PRDX6: variants seen among roughly 807,000 people sequenced by gnomAD.
PRDX6 encodes the protein peroxiredoxin 6, also known as peroxiredoxin-6.
In PRDX6, 13 loss-of-function variants were observed where a neutral mutation model predicts 20.0. That is an observed-to-expected ratio of 0.65 (90% CI 0.42 to 1.03). The LOEUF is 1.03. Ranked by LOEUF, PRDX6 falls within the 50% of genes least tolerant of loss-of-function variation. The probability of loss-of-function intolerance (pLI) is 0.00; values close to 1 mark genes in which losing one functional copy is unlikely to be tolerated. For synonymous variants in PRDX6, 85 were observed against 100.8 expected (o/e 0.84, Z 0.94); for missense variants, 203 against 276.9 (o/e 0.73, Z 1.89).
Position 173,477,421 on chromosome 1 carries a change from G to T in PRDX6, c.24G>T (p.Gly8=). The T allele has an allele frequency of 1.2e-6, 2 of 1,608,658 alleles. No homozygotes were observed. The highest frequency in any genetic ancestry group is 1.7e-6 in the Non-Finnish European group (2 of 1,177,892). The change falls in exon 1 of 5, where the codon GGG becomes GGT. Residue 8 remains glycine (G), a synonymous_variant. Transcript: ENST00000340385. MPGGLLL[G]DVAPNFEANT... is the part of the protein sequence containing the mutation. ...CCATGCCCGGAGGTCTGCTTCTCGG[G>T]GACGTGGCTCCCAACTTTGAGGCCA...
intron 4 of PRDX6, among the ~76,000 whole-genome samples, chr1:173,487,494 G>A (rs1571398757): frequency 6.6e-6 from 1 of 152,328 alleles, no homozygotes; most frequent in African/African-American, 2.4e-5. Flanking sequence ...TAAATGTAAA[G>A]TGTGGTGGCC....
At chr1:173,487,563 T>C (rs763234268) in intron 4 of PRDX6, among the ~76,000 whole-genome samples, 172 bp from the exon 5 acceptor site, 9 of 152,192 alleles carry the variant, frequency 5.9e-5, no homozygotes, top group Non-Finnish European at 1.0e-4. Flanking sequence ...ACTGCTTTCC[T>C]GCCAAAAGTG....
rs189429240 is a variant in PRDX6, at chr1:173,488,432, G to A, written c.*569G>A. ...ATTCTTTTAATACATCTTGATCACAGCTGGGGGAAAAAAAGCTTTTTAATT... is the reference window on the plus strand; with the variant it reads ...ATTCTTTTAATACATCTTGATCACAACTGGGGGAAAAAAAGCTTTTTAATT... On this transcript the variant is annotated 3_prime_UTR_variant, in exon 5 of 5. Coordinates refer to ENST00000340385, the MANE Select transcript of PRDX6 (RefSeq NM_004905.3). 4.0e-3 allele frequency: 603 copies of A among 152,194 alleles called. 3 individuals are homozygous for A. Among genetic ancestry groups the A allele is most frequent in the Middle Eastern group, 0.014 (4 of 294 alleles). The allele number at this position is 152,194 out of a possible 1,614,324, so 9.4% of individuals were successfully genotyped here.
intron 2 of PRDX6, 24 bp from the exon 3 acceptor site, chr1:173,485,337 T>G: frequency 6.4e-7 from 1 of 1,552,576 alleles, no homozygotes; most frequent in Non-Finnish European, 8.8e-7. Context: ...TAGATTCCTC[T>G]TTCCCCTTTT....
chr1:173,485,369 T>C lies in PRDX6; in HGVS notation c.261T>C (p.Asn87=). The change falls in exon 3 of 5, where the codon AAT becomes AAC. Residue 87 remains asparagine (N), a synonymous_variant. Coordinates refer to ENST00000340385, the MANE Select transcript of PRDX6 (RefSeq NM_004905.3). ...TTTTACTTGTGTTTCAGGATATCAATGCTTACAATTGTGAAGAGCCCACAG... is the reference window on the plus strand; with the variant it reads ...TTTTACTTGTGTTTCAGGATATCAACGCTTACAATTGTGAAGAGCCCACAG... ...EDHLAWSKDI[N]AYNCEEPTEK... 1 of 1,588,940 alleles carries C rather than the reference T, an allele frequency of 6.3e-7. No homozygotes were observed. The highest frequency in any genetic ancestry group is 8.6e-7 in the Non-Finnish European group (1 of 1,166,212).
At chr1:173,484,140 AGAT>A (rs1658854442) in intron 2 of PRDX6, among the ~76,000 whole-genome samples, 1 of 92,510 alleles carries the variant, frequency 1.1e-5, no homozygotes, top group African/African-American at 5.1e-5. Context: ...AAAAAAAATT[AGAT>A]ATATATATTT....
chr1:173,477,465 T>C lies in PRDX6; in HGVS notation c.68T>C (p.Ile23Thr). ...NFEANTTVGRIRFHDFLGDSW... is the reference protein window; with the variant it reads ...NFEANTTVGRTRFHDFLGDSW... ...GAGGCCAATACCACCGTCGGCCGCA[T>C]CCGTTTCCACGACTTTCTGGGAGAC... The change falls in exon 1 of 5, where the codon ATC becomes ACC. Residue 23 changes from isoleucine to threonine, a missense_variant. Coordinates refer to ENST00000340385, the MANE Select transcript of PRDX6 (RefSeq NM_004905.3). 1 of 1,607,028 alleles carries C rather than the reference T, an allele frequency of 6.2e-7. No individual in the cohort carries two copies.
chr1:173,481,276 G>A, intron 1 of PRDX6, 50 bp from the exon 2 acceptor site: 1 of 1,527,950 alleles, frequency 6.5e-7, no homozygotes, highest in Non-Finnish European at 9.0e-7. Flanking sequence ...TCTCTGTGAT[G>A]TTGGTGATAA....
chr1:173,482,411 A>G (rs1557996834), intron 2 of PRDX6, among the ~76,000 whole-genome samples: 1 of 152,228 alleles, frequency 6.6e-6, no homozygotes, highest in Admixed American at 6.5e-5. Flanking sequence ...CAGCAGGAAC[A>G]GAGACTCCTG....
At chr1:173,477,911 T>C (rs1031690386) in intron 1 of PRDX6, among the ~76,000 whole-genome samples, 3 of 152,166 alleles carry the variant, frequency 2.0e-5, no homozygotes, top group African/African-American at 7.2e-5. Flanking sequence ...CGGGGCGGCA[T>C]TGACGATCAC....
chr1:173,477,773 G>C (rs575556955), intron 1 of PRDX6, among the ~76,000 whole-genome samples: 7 of 152,344 alleles, frequency 4.6e-5, no homozygotes, highest in Admixed American at 2.0e-4. Context: ...CGCCAAGGTG[G>C]GGGGTGGGGA....
intron 2 of PRDX6, among the ~76,000 whole-genome samples, chr1:173,484,345 G>C (rs946234530): frequency 1.3e-5 from 2 of 151,544 alleles, no homozygotes; most frequent in Middle Eastern, 3.4e-3. Context: ...TAGAAGTCCT[G>C]TTCTTTTCTT....
At chr1:173,481,100 C>G (rs1658793112) in intron 1 of PRDX6, 1 of 501,310 alleles carries the variant, frequency 2.0e-6, no homozygotes, top group Non-Finnish European at 3.5e-6. Flanking sequence ...TATGTGTCAT[C>G]TTGAATTTCA....
rs77588780 is a variant in PRDX6, at chr1:173,486,929, A to G, written c.546+528A>G. Among the ~76,000 whole-genome samples, 1,373 of 152,354 alleles carry G rather than the reference A, an allele frequency of 9.0e-3. 19 individuals are homozygous for G. Among genetic ancestry groups the G allele is most frequent in the African/African-American group, 0.03 (1,259 of 41,584 alleles). ...TTGCTACATTTTTAAAATAATGCTA[A>G]CCTGAATAGCAGGTTTTGTTTTGTT... is the stretch of plus-strand genomic sequence containing the variant. On this transcript the variant is annotated intron_variant, in intron 4 of 4. Coordinates refer to ENST00000340385, the MANE Select transcript of PRDX6 (RefSeq NM_004905.3).
At chr1:173,479,746 A>G (rs1435842430) in intron 1 of PRDX6, among the ~76,000 whole-genome samples, 1 of 152,196 alleles carries the variant, frequency 6.6e-6, no homozygotes, top group East Asian at 1.9e-4. Context: ...TTGGAGGGGA[A>G]GGAAGGCCAA....
chr1:173,487,601 C>T (rs1658921018), intron 4 of PRDX6, 134 bp from the exon 5 acceptor site: 1 of 1,003,262 alleles, frequency 1.0e-6, no homozygotes, highest in Non-Finnish European at 1.4e-6. Flanking sequence ...AAACAAAATC[C>T]TCACAGAGGG....
At position 173,487,974 on chromosome 1, in the gene PRDX6, G is replaced by A; in HGVS notation, c.*111G>A. 7.4e-7 allele frequency: 1 copy of A among 1,353,984 alleles called. No individual in the cohort carries two copies. The highest frequency in any genetic ancestry group is 1.0e-6 in the Non-Finnish European group (1 of 988,900). 83.9% of individuals were successfully genotyped at this position (1,353,984 alleles called of 1,614,324 possible). ...GTGTCATCACAGCCAAGGTTTTTAG[G>A]TTGCTATACCAATGGCTTATTAAAT... On this transcript the variant is annotated 3_prime_UTR_variant, in exon 5 of 5. Transcript: ENST00000340385.
At chr1:173,486,508 G>C (rs1658902085) in intron 4 of PRDX6, 107 bp downstream of exon 4, 2 of 1,240,796 alleles carry the variant, frequency 1.6e-6, no homozygotes, top group Non-Finnish European at 2.2e-6. Context: ...AAGTACACTG[G>C]GAGGATTTTT....
intron 2 of PRDX6, 141 bp downstream of exon 2, chr1:173,481,623 C>A: frequency 1.2e-6 from 1 of 828,910 alleles, no homozygotes; most frequent in Non-Finnish European, 1.9e-6. Context: ...AGTTGAACCA[C>A]ACAGTGATCA....
Sources: gnomAD v4.1 joint callset for allele counts (sites outside exome capture counted in the v4.1 genomes callset) on GRCh38, gnomAD v4.1.1 for gene constraint, MANE v1.5 for transcripts, NCBI Gene and HGNC (gene_info 2026-07-23, HGNC 2026-07-21) for gene names.